Variants in HAAO observed in about 807,000 individuals in gnomAD.
HAAO encodes the protein 3-hydroxyanthranilate 3,4-dioxygenase.
HAAO carries 49 observed loss-of-function variants against 46.2 expected under a neutral mutation model. That is an observed-to-expected ratio of 1.06 (90% CI 0.84 to 1.34). HAAO has a LOEUF of 1.34. Among genes scored for constraint, HAAO ranks in the 40% most tolerant of loss-of-function variants. The probability of loss-of-function intolerance (pLI) is 0.00; values close to 1 mark genes in which losing one functional copy is unlikely to be tolerated. For missense variants in HAAO, 408 were observed against 364.5 expected (o/e 1.12, Z -0.97); for synonymous variants, 157 against 145.2 (o/e 1.08, Z -0.58).
chr2:42,791,617 C>T (rs1299264616), intron 1 of HAAO, among the ~76,000 whole-genome samples: 1 of 152,136 alleles, frequency 6.6e-6, no homozygotes, highest in African/African-American at 2.4e-5. Context: ...TCCCCCCTCA[C>T]GGTGCTACTG....
chr2:42,788,258 C>G (rs770999343), intron 2 of HAAO, among the ~76,000 whole-genome samples: 2 of 152,224 alleles, frequency 1.3e-5, no homozygotes, highest in Non-Finnish European at 2.9e-5. Context: ...GGAGGATGCC[C>G]CATGGCTAAA....
chr2:42,767,806 G>A, intron 8 of HAAO, 54 bp downstream of exon 8: 2 of 1,585,482 alleles, frequency 1.3e-6, no homozygotes, highest in South Asian at 2.2e-5. Flanking sequence ...CCGAGGAGCG[G>A]GCTGATGCCC....
At chr2:42,790,536 T>G (rs1165782886) in intron 1 of HAAO, among the ~76,000 whole-genome samples, 21 of 6,848 alleles carry the variant, frequency 3.1e-3, no homozygotes, top group Non-Finnish European at 4.6e-3. Context: ...AAGTTTGTTT[T>G]TTTTTTTTTT....
At chr2:42,776,780 T>C (rs1558665451) in intron 4 of HAAO, among the ~76,000 whole-genome samples, 1 of 151,264 alleles carries the variant, frequency 6.6e-6, no homozygotes, top group Non-Finnish European at 1.5e-5. Context: ...TGCAGGCGCC[T>C]GCCACCACGC....
chr2:42,771,135 G>C (rs1237265013), intron 4 of HAAO, among the ~76,000 whole-genome samples: 1 of 152,132 alleles, frequency 6.6e-6, no homozygotes, highest in African/African-American at 2.4e-5. Flanking sequence ...CCAGCACTTT[G>C]GGAGGCTGAG....
Position 42,777,420 on chromosome 2 carries a change from CGTCTATCTATGTGTTGT to C in HAAO, c.350+5877_350+5893del, listed in dbSNP as rs1671669997. On this transcript the variant is annotated intron_variant, in intron 4 of 9. Coordinates refer to ENST00000294973, the MANE Select transcript of HAAO (RefSeq NM_012205.3). ...TGCACTTCTATTAGCATGCCTAAGACGTCTATCTATGTGTTGTGTACACAATGTTTCACTGCTGAAAA... is the reference window on the plus strand; with the variant it reads ...TGCACTTCTATTAGCATGCCTAAGACGTACACAATGTTTCACTGCTGAAAA... Among the ~76,000 whole-genome samples the C allele has an allele frequency of 4.6e-5, 7 of 151,138 alleles. No individual in the cohort carries two copies. In the South Asian group the frequency reaches 1.5e-3, roughly 32 times the overall value.
At chr2:42,781,743 G>A (rs760122946) in intron 4 of HAAO, among the ~76,000 whole-genome samples, 9 of 152,052 alleles carry the variant, frequency 5.9e-5, no homozygotes, top group Non-Finnish European at 1.2e-4. Context: ...GTGTGGTGGC[G>A]GGTGCCTGTA....
intron 3 of HAAO, 77 bp from the exon 4 acceptor site, chr2:42,783,497 A>G (rs1672162115): frequency 1.1e-6 from 1 of 947,638 alleles, no homozygotes; most frequent in South Asian, 1.4e-5. Flanking sequence ...CATCCTGGGC[A>G]TCCCCAGCTG....
intron 1 of HAAO, among the ~76,000 whole-genome samples, chr2:42,789,863 A>G (rs1672658369): frequency 6.6e-6 from 1 of 152,198 alleles, no homozygotes; most frequent in Non-Finnish European, 1.5e-5. Flanking sequence ...GTCCCCTTTC[A>G]GGGTGCAGAC....
chr2:42,783,903 T>C, intron 2 of HAAO, 36 bp from the exon 3 acceptor site: 1 of 1,584,688 alleles, frequency 6.3e-7, no homozygotes, highest in Non-Finnish European at 8.6e-7. Context: ...CCCTCCGCAC[T>C]TTCTCTTCCA....
intron 4 of HAAO, among the ~76,000 whole-genome samples, chr2:42,775,678 C>T (rs1206322518): frequency 6.6e-6 from 1 of 151,876 alleles, no homozygotes; most frequent in African/African-American, 2.4e-5. Flanking sequence ...CTCCTTTCTC[C>T]TGCACCCTCT....
At chr2:42,771,757 G>GCCCA (rs1671144191) in intron 4 of HAAO, among the ~76,000 whole-genome samples, 1 of 152,260 alleles carries the variant, frequency 6.6e-6, no homozygotes, top group Admixed American at 6.5e-5. Context: ...TAATGCCCAA[G>GCCCA]CCCAGCTCCT....
intron 1 of HAAO, among the ~76,000 whole-genome samples, chr2:42,789,879 G>C (rs1485381156): frequency 6.6e-6 from 1 of 152,252 alleles, no homozygotes; most frequent in Non-Finnish European, 1.5e-5. Flanking sequence ...CAGACACTGG[G>C]GTGAATAAGC....
chr2:42,768,790 C>T (rs1670863833), intron 7 of HAAO, among the ~76,000 whole-genome samples: 1 of 152,206 alleles, frequency 6.6e-6, no homozygotes, highest in Admixed American at 6.5e-5. Context: ...GACAAGTCCT[C>T]CCACCTTGCC....
At chr2:42,783,073 G>T (rs894828988) in intron 4 of HAAO, 10 of 558,958 alleles carry the variant, frequency 1.8e-5, no homozygotes, top group African/African-American at 1.5e-4. Flanking sequence ...TCCAGCCAAA[G>T]TTCATCAGGC....
At chr2:42,779,958 T>C (rs1006865647) in intron 4 of HAAO, among the ~76,000 whole-genome samples, 10 of 152,178 alleles carry the variant, frequency 6.6e-5, no homozygotes, top group Non-Finnish European at 1.3e-4. Context: ...TGTATAAATA[T>C]ATTATTGGTA....
intron 4 of HAAO, among the ~76,000 whole-genome samples, chr2:42,779,560 T>G (rs1330955842): frequency 1.3e-5 from 2 of 152,112 alleles, no homozygotes; most frequent in Non-Finnish European, 2.9e-5. Flanking sequence ...GACCTCGTGA[T>G]CCCCCCACCT....
rs574035354 is a variant in HAAO, at chr2:42,775,275, T to C, written c.351-4693A>G. 2.7e-3 allele frequency among the ~76,000 whole-genome samples: 399 copies of C among 145,308 alleles called. 1 individual carries two copies. Among genetic ancestry groups the C allele is most frequent in the African/African-American group, 9.4e-3 (366 of 38,956 alleles). Reference sequence around the variant, plus strand: ...AAAAAAAAAAAAAAAAAAAAGGTTGTCTGGTGGGGGGAGAAAAAAGGCCAG... The same window carrying C: ...AAAAAAAAAAAAAAAAAAAAGGTTGCCTGGTGGGGGGAGAAAAAAGGCCAG... On this transcript the variant is annotated intron_variant, in intron 4 of 9. Transcript: ENST00000294973.
intron 4 of HAAO, among the ~76,000 whole-genome samples, chr2:42,780,490 G>A (rs1315978043): frequency 6.6e-6 from 1 of 151,626 alleles, no homozygotes; most frequent in Non-Finnish European, 1.5e-5. Context: ...ACAGGCGTGA[G>A]CCACCGCGCC....
Sources: allele counts gnomAD v4.1 joint callset (sites outside exome capture counted in the v4.1 genomes callset), GRCh38; gene constraint gnomAD v4.1.1; transcripts MANE v1.5; gene names NCBI Gene and HGNC (gene_info 2026-07-23, HGNC 2026-07-21).